CLDN16: variants seen among roughly 807,000 people sequenced by gnomAD.
The protein encoded by CLDN16 is claudin 16.
A neutral mutation model predicts 24.6 loss-of-function variants in CLDN16; 13 were observed. That is an observed-to-expected ratio of 0.53 (90% CI 0.34 to 0.84). The LOEUF (loss-of-function observed/expected upper bound fraction) is 0.84, where lower values mean the gene tolerates loss of function less well. Among genes scored for constraint, CLDN16 ranks in the 40% least tolerant of loss-of-function variants. CLDN16 has a pLI of 0.01. For missense variants in CLDN16, 298 were observed against 292.7 expected (o/e 1.02, Z -0.13); for synonymous variants, 116 against 106.7 (o/e 1.09, Z -0.54).
At chr3:190,329,723 G>A (rs555903641) in intron 1 of CLDN16, among the ~76,000 whole-genome samples, 49 of 152,078 alleles carry the variant, frequency 3.2e-4, no homozygotes, top group African/African-American at 1.0e-3. Context: ...TTTTCTCAGG[G>A]GAATAAAAAG....
chr3:190,328,683 A>G (rs757285021), intron 1 of CLDN16, among the ~76,000 whole-genome samples: 21 of 152,152 alleles, frequency 1.4e-4, no homozygotes, highest in Non-Finnish European at 3.1e-4. Flanking sequence ...CGTAAAAAAA[A>G]AAAACAAGAT....
chr3:190,405,368 T>A (rs991851790), intron 3 of CLDN16, among the ~76,000 whole-genome samples: 3 of 131,954 alleles, frequency 2.3e-5, no homozygotes, highest in Non-Finnish European at 4.6e-5. Flanking sequence ...GAGGTTGCAG[T>A]GAGCAGAGAT....
chr3:190,407,633 A>G (rs1222172409), intron 3 of CLDN16, among the ~76,000 whole-genome samples: 1 of 152,210 alleles, frequency 6.6e-6, no homozygotes, highest in Admixed American at 6.5e-5. Context: ...CAAACCAGTT[A>G]ATTGTCAGAG....
At chr3:190,373,680 G>A (rs932188252) in intron 2 of CLDN16, among the ~76,000 whole-genome samples, 3 of 151,852 alleles carry the variant, frequency 2.0e-5, no homozygotes, top group Non-Finnish European at 2.9e-5. Context: ...CAGGTTGTGA[G>A]CTCTTAGAGA....
chr3:190,321,933 C>T, upstream of CLDN16: 1 of 1,422,700 alleles, frequency 7.0e-7, no homozygotes, highest in Non-Finnish European at 9.9e-7. Context: ...AAGGGAGCTG[C>T]AGGGGGACTG....
upstream of CLDN16, among the ~76,000 whole-genome samples, chr3:190,318,105 A>G (rs1716818174): frequency 6.6e-6 from 1 of 152,184 alleles, no homozygotes; most frequent in Non-Finnish European, 1.5e-5. Context: ...AGTCCTAATC[A>G]TTAGCATTTC....
At chr3:190,383,166 A>AAAAC (rs574915963), upstream of CLDN16, among the ~76,000 whole-genome samples, 211 of 152,238 alleles carry the variant, frequency 1.4e-3, 1 homozygote, top group African/African-American at 4.6e-3. Context: ...TCTCCCTTTC[A>AAAAC]AAACAAACAA....
At chr3:190,312,742 C>A in the CLDN16 span, 1 of 978,868 alleles carries the variant, frequency 1.0e-6, no homozygotes, top group Non-Finnish European at 1.6e-6. Flanking sequence ...TGAAAGTCAA[C>A]TGGACTTCAG....
At chr3:190,352,955 T>C in intron 1 of CLDN16, among the ~76,000 whole-genome samples, 1 of 152,106 alleles carries the variant, frequency 6.6e-6, no homozygotes, top group East Asian at 1.9e-4. Context: ...ACTTGAATGT[T>C]ATCCCAGCTC....
At chr3:190,321,332 G>A (rs2108616152), upstream of CLDN16, among the ~76,000 whole-genome samples, 1 of 152,240 alleles carries the variant, frequency 6.6e-6, no homozygotes, top group East Asian at 1.9e-4. Flanking sequence ...AGAAGACCTT[G>A]GGTCTGAAAA....
chr3:190,368,062 C>A (rs1235960396), intron 1 of CLDN16, among the ~76,000 whole-genome samples: 1 of 151,898 alleles, frequency 6.6e-6, no homozygotes, highest in African/African-American at 2.4e-5. Flanking sequence ...TGGCAGGCAG[C>A]CTTTAAGATA....
intron 1 of CLDN16, among the ~76,000 whole-genome samples, chr3:190,324,551 A>C (rs1717017456): frequency 6.6e-6 from 1 of 152,194 alleles, no homozygotes; most frequent in Non-Finnish European, 1.5e-5. Context: ...ATATTTGTGC[A>C]CAGGCCCTTT....
intron 1 of CLDN16, among the ~76,000 whole-genome samples, chr3:190,358,831 T>C (rs1331716468): frequency 1.3e-5 from 2 of 152,050 alleles, no homozygotes; most frequent in African/African-American, 4.8e-5. Context: ...CTTCCCATTG[T>C]TACCCTTGGA....
intron 1 of CLDN16, among the ~76,000 whole-genome samples, chr3:190,358,907 CT>C (rs1249310433): frequency 6.6e-6 from 1 of 151,974 alleles, no homozygotes; most frequent in Non-Finnish European, 1.5e-5. Flanking sequence ...AATAAGAGGC[CT>C]TATGGCCTTT....
At chr3:190,394,002 C>T (rs1560095570) in intron 1 of CLDN16, among the ~76,000 whole-genome samples, 1 of 152,122 alleles carries the variant, frequency 6.6e-6, no homozygotes, top group Non-Finnish European at 1.5e-5. Flanking sequence ...ATCCGCCCAC[C>T]TCATCCTCCC....
At chr3:190,371,614 CA>C (rs983913116) in intron 2 of CLDN16, among the ~76,000 whole-genome samples, 4 of 151,728 alleles carry the variant, frequency 2.6e-5, no homozygotes, top group African/African-American at 7.2e-5. Flanking sequence ...TGGTTTCCTT[CA>C]AAAAAAAGTC....
upstream of CLDN16, among the ~76,000 whole-genome samples, chr3:190,317,803 T>A (rs1716810736): frequency 1.3e-5 from 2 of 152,224 alleles, no homozygotes; most frequent in Admixed American, 6.5e-5. Context: ...AGATACTGTA[T>A]TCTTGATCGG....
chr3:190,348,253 C>CAAAAAAA (rs35983526), intron 1 of CLDN16, among the ~76,000 whole-genome samples: 3 of 56,018 alleles, frequency 5.4e-5, no homozygotes, highest in African/African-American at 6.9e-5. Context: ...GACTCCGTCT[C>CAAAAAAA]AAAAAAAAAA....
intron 3 of CLDN16, among the ~76,000 whole-genome samples, chr3:190,382,315 G>A (rs1652079795): frequency 6.6e-6 from 1 of 152,100 alleles, no homozygotes; most frequent in Admixed American, 6.6e-5. Flanking sequence ...TACAGAATGA[G>A]TAACAACATA....
Sources: gnomAD v4.1 joint callset for allele counts (sites outside exome capture counted in the v4.1 genomes callset) on GRCh38, gnomAD v4.1.1 for gene constraint, MANE v1.5 for transcripts, NCBI Gene and HGNC (gene_info 2026-07-23, HGNC 2026-07-21) for gene names.